BIVM: variants seen among roughly 807,000 people sequenced by gnomAD.
The protein encoded by BIVM is basic immunoglobulin-like variable motif-containing protein.
A neutral mutation model predicts 61.4 loss-of-function variants in BIVM; 31 were observed. The observed-to-expected ratio is 0.51, with a 90% CI of 0.38 to 0.68. The LOEUF is 0.68. Ranked by LOEUF, BIVM falls within the 30% of genes least tolerant of loss-of-function variation. The probability of loss-of-function intolerance (pLI) is 0.00; values close to 1 mark genes in which losing one functional copy is unlikely to be tolerated. For missense variants in BIVM, 526 were observed against 596.0 expected (o/e 0.88, Z 1.22); for synonymous variants, 189 against 210.7 (o/e 0.90, Z 0.89).
chr13:102,830,274 C>T (rs9518850), intron 7 of BIVM, among the ~76,000 whole-genome samples: 53,036 of 152,042 alleles, frequency 0.35, 10,995 homozygotes, highest in Non-Finnish European at 0.47. Context: ...CTCTCTTCTG[C>T]GGCCGTGGAC....
rs143074627 is a variant in BIVM at position 102,838,452 on chromosome 13, G to A, written c.1122-191G>A. The stretch of plus-strand genomic sequence containing the variant: ...ATTGTACACTGAAAACCTTGGCAAC[G>A]GTTGGATAAACAGAATTGTCATAAA... On this transcript the variant is annotated intron_variant, in intron 9 of 10. Transcript: ENST00000257336. Among the ~76,000 whole-genome samples the A allele has an allele frequency of 7.7e-4, 117 of 152,276 alleles. 1 individual carries two copies. Among genetic ancestry groups the A allele is most frequent in the African/African-American group, 2.7e-3 (113 of 41,566 alleles).
chr13:102,820,958 A>G, intron 4 of BIVM, 79 bp from the exon 5 acceptor site: 2 of 1,346,784 alleles, frequency 1.5e-6, no homozygotes, highest in Non-Finnish European at 2.1e-6. Context: ...TAACACCTTT[A>G]ATTGCCATGA....
chr13:102,839,406 G>A (rs1057201886), intron 10 of BIVM, 166 bp from the exon 11 acceptor site: 25 of 932,308 alleles, frequency 2.7e-5, no homozygotes, highest in Middle Eastern at 6.8e-4. Flanking sequence ...TGTAAAGGCA[G>A]CTGTTAGAAA....
At chr13:102,821,425 C>T (rs983150794) in intron 5 of BIVM, among the ~76,000 whole-genome samples, 1 of 151,834 alleles carries the variant, frequency 6.6e-6, no homozygotes, top group African/African-American at 2.4e-5. Flanking sequence ...CAAGACCCCA[C>T]CTCTACAAAG....
intron 3 of BIVM, among the ~76,000 whole-genome samples, chr13:102,810,382 C>T (rs1879416936): frequency 6.6e-6 from 1 of 152,194 alleles, no homozygotes; most frequent in African/African-American, 2.4e-5. Flanking sequence ...CTAATTTTTT[C>T]TGTTTCTGTT....
intron 3 of BIVM, among the ~76,000 whole-genome samples, chr13:102,811,063 C>T (rs1231361197): frequency 2.6e-5 from 4 of 152,154 alleles, no homozygotes; most frequent in Non-Finnish European, 5.9e-5. Flanking sequence ...AATAATTTCT[C>T]AAAAATGTAT....
intron 1 of BIVM, chr13:102,801,394 C>T (rs1878749810): frequency 6.6e-6 from 1 of 152,102 alleles, no homozygotes; most frequent in Non-Finnish European, 1.5e-5. Context: ...CGCCACCATG[C>T]ACGGCTAATT....
intron 8 of BIVM, among the ~76,000 whole-genome samples, chr13:102,832,933 A>G (rs1373349804): frequency 2.0e-5 from 3 of 152,160 alleles, no homozygotes; most frequent in African/African-American, 7.2e-5. Flanking sequence ...GGGTTGAGAT[A>G]ATACCAGGAT....
intron 1 of BIVM, chr13:102,800,856 C>G (rs149177221): frequency 3.3e-5 from 5 of 152,246 alleles, no homozygotes; most frequent in Admixed American, 1.3e-4. Context: ...TCGACCCTTA[C>G]GAGGTCACCG....
chr13:102,803,943 A>G (rs1878903537), intron 1 of BIVM, among the ~76,000 whole-genome samples: 1 of 152,172 alleles, frequency 6.6e-6, no homozygotes, highest in Non-Finnish European at 1.5e-5. Context: ...CCGTTGCACC[A>G]CCAGATGAAT....
Position 102,807,619 on chromosome 13 carries a change from G to C in BIVM, c.352G>C (p.Glu118Gln). The C allele has an allele frequency of 6.2e-7, 1 of 1,614,132 alleles. No individual in the cohort carries two copies. Among genetic ancestry groups the C allele is most frequent in the Non-Finnish European group, 8.5e-7 (1 of 1,180,036 alleles). Reference sequence around the variant, plus strand: ...CATTGGTATCCCGACTAGTACATCGGAAATTATCTACAATGAAGAAAATAG... The same window carrying C: ...CATTGGTATCCCGACTAGTACATCGCAAATTATCTACAATGAAGAAAATAG... ...RYIGIPTSTSEIIYNEENSLE... is the reference protein window; with the variant it reads ...RYIGIPTSTSQIIYNEENSLE... The change falls in exon 3 of 11, where the codon GAA becomes CAA. Residue 118 changes from glutamate (E) to glutamine (Q), a missense_variant. Glu to Gln is a conservative substitution (Grantham distance 29, BLOSUM62 2). Around this residue, in one of 3 missense-constraint regions of BIVM, gnomAD observed 312 missense variants for 343.8 expected, o/e 0.91. Transcript: ENST00000257336. This position sits in a 1 kb window ranked among gnomAD's most constrained non-coding sequence, Gnocchi z 4.0.
chr13:102,814,635 A>G (rs1879742472), intron 3 of BIVM, among the ~76,000 whole-genome samples: 1 of 152,188 alleles, frequency 6.6e-6, no homozygotes, highest in South Asian at 2.1e-4. Flanking sequence ...TGACTCTGTA[A>G]GAGTCATTTT....
chr13:102,833,345 T>TTTTTTTTTTTTTTTTTTG (rs71131027), intron 8 of BIVM, among the ~76,000 whole-genome samples: 1 of 145,850 alleles, frequency 6.9e-6, no homozygotes, highest in Admixed American at 6.9e-5. Flanking sequence ...TTTTTTTTTT[T>TTTTTTTTTTTTTTTTTTG]GAGACAAGGC....
chr13:102,822,142 A>G lies in BIVM; in HGVS notation c.884A>G (p.Lys295Arg). The change falls in exon 7 of 11, where the codon AAA (lysine) becomes AGA (arginine). Residue 295 changes from lysine to arginine, a missense_variant. Around this residue, in one of 3 missense-constraint regions of BIVM, gnomAD observed 4 missense variants for 19.2 expected, o/e 0.21. Coordinates refer to ENST00000257336, the MANE Select transcript of BIVM (RefSeq NM_017693.4). ...YVLYKPHGKN[K>R]TAGETASGAL... The stretch of plus-strand genomic sequence containing the variant: ...CTATATAAGCCTCATGGGAAGAATA[A>G]AACAGCAGGAGAAACTGGTAGGTAA... The G allele has an allele frequency of 6.2e-7, 1 of 1,613,928 alleles. No individual in the cohort carries two copies. Among genetic ancestry groups the G allele is most frequent in the Non-Finnish European group, 8.5e-7 (1 of 1,179,994 alleles).
chr13:102,838,022 A>G (rs971429968), intron 9 of BIVM, among the ~76,000 whole-genome samples: 10 of 152,238 alleles, frequency 6.6e-5, no homozygotes, highest in African/African-American at 2.2e-4. Context: ...TATAACCAAA[A>G]CCCAGCTGTA....
rs774517545 is a variant in BIVM at position 102,799,155 on chromosome 13, T to G, written c.-573T>G. 2.3e-5 allele frequency: 9 copies of G among 392,782 alleles called. No homozygotes were observed. In the East Asian group the frequency reaches 2.9e-4, roughly 13 times the overall value. 24.3% of individuals were successfully genotyped at this position (392,782 alleles called of 1,614,324 possible). The stretch of plus-strand genomic sequence containing the variant: ...GGACGAGCGGAAATACTGCCAGGAT[T>G]TTACCACCTCTCGCCCATTTATTTA... On this transcript the variant is annotated 5_prime_UTR_variant, in exon 1 of 11. In the 5' UTR this introduces an upstream ATG that the reference lacks. Coordinates refer to ENST00000257336, the MANE Select transcript of BIVM (RefSeq NM_017693.4).
At chr13:102,825,092 A>G (rs894729668) in intron 7 of BIVM, among the ~76,000 whole-genome samples, 19 of 151,780 alleles carry the variant, frequency 1.3e-4, no homozygotes, top group South Asian at 2.1e-4. Context: ...ACAGGCGCCC[A>G]CCACCATGCC....
rs202075761 is a variant in BIVM at position 102,834,079 on chromosome 13, CAG to C, written c.1035-386_1035-385del. Among the ~76,000 whole-genome samples the C allele has an allele frequency of 1.6e-3, 242 of 152,280 alleles. 1 individual carries two copies. The highest frequency in any genetic ancestry group is 0.013 in the East Asian group (67 of 5,184). On this transcript the variant is annotated intron_variant, in intron 8 of 10. Coordinates refer to ENST00000257336, the MANE Select transcript of BIVM (RefSeq NM_017693.4). ...ATGTCCAGGGATGGGTTTAGGACAT[CAG>C]TGTGTTTAAAGACTTCATTGCTTTA... is the stretch of plus-strand genomic sequence containing the variant.
intron 2 of BIVM, among the ~76,000 whole-genome samples, chr13:102,805,729 A>G (rs1239714197): frequency 1.3e-5 from 2 of 152,200 alleles, no homozygotes; most frequent in African/African-American, 4.8e-5. Context: ...CCTGTTCTGG[A>G]CATGTTATAT....
Sources: allele counts gnomAD v4.1 joint callset (sites outside exome capture counted in the v4.1 genomes callset), GRCh38; gene constraint gnomAD v4.1.1; regional missense constraint gnomAD v4.1.1; non-coding constraint Gnocchi (gnomAD v3.1); transcripts MANE v1.5; gene names NCBI Gene and HGNC (gene_info 2026-07-23, HGNC 2026-07-21).